GPX6: variants seen among roughly 807,000 people sequenced by gnomAD.
GPX6 encodes the protein glutathione peroxidase 6 (olfactory).
In GPX6, 21 loss-of-function variants were observed where a neutral mutation model predicts 20.0. That is an observed-to-expected ratio of 1.05 (90% CI 0.74 to 1.51). The LOEUF (loss-of-function observed/expected upper bound fraction) is 1.51. Among genes scored for constraint, GPX6 ranks in the 40% most tolerant of loss-of-function variants. The pLI, the probability that GPX6 is intolerant of heterozygous loss-of-function variation, is 0.00. For missense variants in GPX6, 233 were observed against 254.7 expected (o/e 0.91, Z 0.58); for synonymous variants, 75 against 98.0 (o/e 0.77, Z 1.38).
chr6:28,513,005 G>T (rs1037404991), intron 1 of GPX6, among the ~76,000 whole-genome samples: 2 of 152,002 alleles, frequency 1.3e-5, no homozygotes, highest in African/African-American at 2.4e-5. Context: ...TTTCATTCTT[G>T]AAGTCAGTGA....
chr6:28,513,434 T>A (rs564678787), intron 1 of GPX6, among the ~76,000 whole-genome samples: 2 of 152,210 alleles, frequency 1.3e-5, no homozygotes, highest in East Asian at 3.9e-4. Flanking sequence ...CCCGTACAGG[T>A]TTGAGCGGCG....
intron 1 of GPX6, among the ~76,000 whole-genome samples, chr6:28,513,708 A>G (rs979980228): frequency 8.2e-6 from 1 of 122,434 alleles, no homozygotes; most frequent in South Asian, 2.5e-4. Flanking sequence ...AAGAGAGGCT[A>G]TAAGTCCTGG....
chr6:28,512,120 C>G (rs140266643), intron 1 of GPX6, among the ~76,000 whole-genome samples: 6,226 of 152,358 alleles, frequency 0.041, 187 homozygotes, highest in Non-Finnish European at 0.063. Flanking sequence ...GAGCACCGCC[C>G]CCTGCTCCAC....
intron 1 of GPX6, among the ~76,000 whole-genome samples, chr6:28,513,365 A>G (rs34718552): frequency 0.018 from 2,717 of 152,250 alleles, 71 homozygotes; most frequent in African/African-American, 0.055. Context: ...ATTCACTCCT[A>G]GACACTGCCT....
intron 1 of GPX6, among the ~76,000 whole-genome samples, chr6:28,512,607 G>T (rs528055768): frequency 2.6e-5 from 4 of 152,300 alleles, no homozygotes; most frequent in Admixed American, 2.6e-4. Flanking sequence ...AGAATAAAAG[G>T]CGGCTGCCGG....
intron 1 of GPX6, among the ~76,000 whole-genome samples, chr6:28,511,954 A>G (rs912598407): frequency 3.3e-5 from 5 of 152,162 alleles, no homozygotes; most frequent in Non-Finnish European, 7.4e-5. Flanking sequence ...GGCCCCGGGC[A>G]CTGAGGAGCT....
rs1464402005 is a variant in GPX6, at chr6:28,503,496, C to G, written c.*796G>C. 1 of 152,266 alleles carries G rather than the reference C, an allele frequency of 6.6e-6. No homozygotes were observed. Among genetic ancestry groups the G allele is most frequent in the African/African-American group, 2.4e-5 (1 of 41,428 alleles). 9.4% of individuals were successfully genotyped at this position (152,266 alleles called of 1,614,324 possible). Reference sequence around the variant, plus strand: ...GAATTTTTAAATTTGAGACAGTGATCAAAATAAGCTTAAAGTTGAGGAGGC... The same window carrying G: ...GAATTTTTAAATTTGAGACAGTGATGAAAATAAGCTTAAAGTTGAGGAGGC... On this transcript the variant is annotated 3_prime_UTR_variant, in exon 5 of 5. Coordinates refer to ENST00000361902, the MANE Select transcript of GPX6 (RefSeq NM_182701.1).
At chr6:28,513,162 A>T (rs1762939473) in intron 1 of GPX6, among the ~76,000 whole-genome samples, 1 of 152,172 alleles carries the variant, frequency 6.6e-6, no homozygotes, top group African/African-American at 2.4e-5. Context: ...CACTTAATAA[A>T]ACCTTGCACT....
At chr6:28,513,083 T>C (rs1373693286) in intron 1 of GPX6, among the ~76,000 whole-genome samples, 1 of 152,216 alleles carries the variant, frequency 6.6e-6, no homozygotes, top group African/African-American at 2.4e-5. Flanking sequence ...CGGAAGGACA[T>C]GGAGTTTGGC....
intron 2 of GPX6, among the ~76,000 whole-genome samples, chr6:28,506,645 C>T (rs1035029574): frequency 6.7e-6 from 1 of 149,740 alleles, no homozygotes; most frequent in Non-Finnish European, 1.5e-5. Context: ...TTTTCTTATA[C>T]AGTAGCTCCC....
chr6:28,508,364 C>T (rs991678175), intron 2 of GPX6, among the ~76,000 whole-genome samples: 6 of 152,150 alleles, frequency 3.9e-5, no homozygotes, highest in Non-Finnish European at 7.4e-5. Context: ...ATAGTAGACA[C>T]AATTGGCAGA....
At chr6:28,513,698 AAG>A (rs1471083170) in intron 1 of GPX6, among the ~76,000 whole-genome samples, 1 of 125,218 alleles carries the variant, frequency 8.0e-6, no homozygotes, top group East Asian at 2.6e-4. Flanking sequence ...GTTATGTGGT[AAG>A]AGAGGCTATA....
chr6:28,510,640 G>A, intron 2 of GPX6, 111 bp downstream of exon 2: 3 of 1,012,308 alleles, frequency 3.0e-6, no homozygotes, highest in South Asian at 1.6e-5. Context: ...AGAGTCACCT[G>A]ATCAGTTCTC....
rs34878562 is a variant in GPX6, at chr6:28,507,721, T to C, written c.242-1292A>G. On this transcript the variant is annotated intron_variant, in intron 2 of 4. Transcript: ENST00000361902. ...TTGGGATTACAGGCATGTGCCACCATGCCCAGCTAATTTTTTGTAATTTTA... is the reference window on the plus strand; with the variant it reads ...TTGGGATTACAGGCATGTGCCACCACGCCCAGCTAATTTTTTGTAATTTTA... Among the ~76,000 whole-genome samples the C allele has an allele frequency of 7.9e-5, 12 of 152,310 alleles. No individual in the cohort carries two copies. In the East Asian group the frequency reaches 2.3e-3, roughly 29 times the overall value.
chr6:28,515,526 A>T (rs772569539), intron 1 of GPX6, 131 bp downstream of exon 1: 1 of 684,522 alleles, frequency 1.5e-6, no homozygotes, highest in Non-Finnish European at 2.6e-6. Context: ...CAATGTCAGG[A>T]TTTGTGAAGA....
intron 2 of GPX6, 135 bp downstream of exon 2, chr6:28,510,616 G>A: frequency 2.7e-6 from 2 of 753,048 alleles, no homozygotes; most frequent in Admixed American, 2.6e-5. Flanking sequence ...AGCAGGAGCA[G>A]CATTTAGGGA....
intron 1 of GPX6, among the ~76,000 whole-genome samples, chr6:28,514,127 T>C (rs1238199607): frequency 2.6e-5 from 4 of 152,254 alleles, no homozygotes; most frequent in Non-Finnish European, 5.9e-5. Flanking sequence ...TTCTTGCTAC[T>C]ATAATAAAAA....
chr6:28,513,822 G>C (rs1481515007), intron 1 of GPX6, among the ~76,000 whole-genome samples: 1 of 152,216 alleles, frequency 6.6e-6, no homozygotes, highest in Non-Finnish European at 1.5e-5. Flanking sequence ...TTGCCTGTGG[G>C]TGAGCTACTG....
intron 3 of GPX6, 51 bp from the exon 4 acceptor site, chr6:28,505,853 G>A (rs1762801512): frequency 7.7e-7 from 1 of 1,302,144 alleles, no homozygotes; most frequent in South Asian, 1.2e-5. Context: ...AGACATGGAT[G>A]GAAAATAATG....
Sources: gnomAD v4.1 joint callset for allele counts (sites outside exome capture counted in the v4.1 genomes callset) on GRCh38, gnomAD v4.1.1 for gene constraint, MANE v1.5 for transcripts, NCBI Gene and HGNC (gene_info 2026-07-23, HGNC 2026-07-21) for gene names.